Variants in CMTR1 observed in about 807,000 individuals in gnomAD.
CMTR1 encodes the protein cap-specific mRNA (nucleoside-2'-O-)-methyltransferase 1.
CMTR1 carries 39 observed loss-of-function variants against 107.0 expected under a neutral mutation model. The observed-to-expected ratio is 0.36, with a 90% CI of 0.28 to 0.48. CMTR1 has a LOEUF of 0.48. CMTR1 is among the 20% of genes least tolerant of loss of function. The probability of loss-of-function intolerance (pLI) is 0.99; values close to 1 mark genes in which losing one functional copy is unlikely to be tolerated. For synonymous variants in CMTR1, 366 were observed against 379.5 expected, an observed-to-expected ratio of 0.96 and a Z score of 0.41; for missense variants, 672 against 1,064.9, an observed-to-expected ratio of 0.63 and a Z score of 5.14.
chr6:37,435,842 T>C, intron 2 of CMTR1, 80 bp downstream of exon 2: 1 of 1,415,868 alleles, frequency 7.1e-7, no homozygotes, highest in South Asian at 1.5e-5. Flanking sequence ...TGGAGCAGAC[T>C]ATAGTCCACT....
chr6:37,461,151 T>A (rs1427620938), intron 10 of CMTR1, among the ~76,000 whole-genome samples: 3 of 152,214 alleles, frequency 2.0e-5, no homozygotes, highest in Non-Finnish European at 4.4e-5. Flanking sequence ...CACTCCCTGG[T>A]CTTGTTAGGA....
chr6:37,450,418 C>A, intron 5 of CMTR1, 75 bp downstream of exon 5: 2 of 1,071,940 alleles, frequency 1.9e-6, no homozygotes, highest in South Asian at 2.6e-5. Flanking sequence ...CTGGTATTTA[C>A]ATACACTTGC....
intron 2 of CMTR1, among the ~76,000 whole-genome samples, chr6:37,442,944 A>C (rs1050181042): frequency 1.3e-5 from 2 of 152,238 alleles, no homozygotes; most frequent in African/African-American, 4.8e-5. Flanking sequence ...ATTATGCCAC[A>C]TTGCTAAGTC....
chr6:37,465,491 T>C (rs1761488896), intron 13 of CMTR1, among the ~76,000 whole-genome samples: 1 of 152,326 alleles, frequency 6.6e-6, no homozygotes, highest in African/African-American at 2.4e-5. Flanking sequence ...ATGTGCTTAT[T>C]GGCTATTTGT....
intron 3 of CMTR1, among the ~76,000 whole-genome samples, chr6:37,444,980 C>T (rs890012746): frequency 1.3e-5 from 2 of 152,126 alleles, no homozygotes; most frequent in Non-Finnish European, 2.9e-5. Flanking sequence ...GAGCTGAGAT[C>T]ACGCCACTGC....
chr6:37,470,904 C>CTCCA (rs2113890315), intron 13 of CMTR1, 117 bp from the exon 14 acceptor site: 1 of 749,244 alleles, frequency 1.3e-6, no homozygotes, highest in Admixed American at 3.2e-5. Flanking sequence ...TTTCTCAACT[C>CTCCA]TCCAGCTCCT....
rs1196450200 is a variant in CMTR1 at position 37,480,202 on chromosome 6, C to T, written c.*57C>T. ...CCCTGTCATTCCTGAGATGGGGCCA[C>T]CTGGGGCCCACAGTGCTGGCTTCTT... On this transcript the variant is annotated 3_prime_UTR_variant, in exon 24 of 24. Coordinates refer to ENST00000373451, the MANE Select transcript of CMTR1 (RefSeq NM_015050.3). 5.7e-6 allele frequency: 9 copies of T among 1,590,336 alleles called. No individual in the cohort carries two copies. The highest frequency in any genetic ancestry group is 7.7e-6 in the Non-Finnish European group (9 of 1,171,734).
chr6:37,471,141 C>A, intron 14 of CMTR1, 64 bp downstream of exon 14: 1 of 1,423,064 alleles, frequency 7.0e-7, no homozygotes, highest in Non-Finnish European at 9.6e-7. Flanking sequence ...TTCCTCCCCA[C>A]AAGCTGTTTG....
At chr6:37,435,495 G>A in intron 1 of CMTR1, 129 bp from the exon 2 acceptor site, 2 of 956,872 alleles carry the variant, frequency 2.1e-6, no homozygotes, top group Non-Finnish European at 3.0e-6. Context: ...GGCTATTCAA[G>A]TGCTGGCACT....
intron 19 of CMTR1, chr6:37,475,833 A>G (rs1761725409): frequency 2.0e-6 from 1 of 498,982 alleles, no homozygotes; most frequent in Non-Finnish European, 3.7e-6. Context: ...TACAATAAAG[A>G]TGATACTTGA....
In CMTR1 at chr6:37,435,818, G is replaced by C; in HGVS notation, c.133+56G>C. 4 of 1,528,634 alleles carry C rather than the reference G, an allele frequency of 2.6e-6. No homozygotes were observed. In the East Asian group the frequency reaches 9.7e-5, roughly 37 times the overall value. The allele number at this position is 1,528,634 out of a possible 1,614,324, so 94.7% of individuals were successfully genotyped here. A position where few individuals can be genotyped will look rare whatever the true frequency, so the allele number is the denominator to read the frequency against. Reference sequence around the variant, plus strand: ...GGCCATCTGGTTATTTGAACACACAGTGTCTAATCTAGGTGGAGCAGACTA... The same window carrying C: ...GGCCATCTGGTTATTTGAACACACACTGTCTAATCTAGGTGGAGCAGACTA... On this transcript the variant is annotated intron_variant, in intron 2 of 23. Transcript: ENST00000373451.
chr6:37,457,193 A>T (rs1160115966), intron 8 of CMTR1, among the ~76,000 whole-genome samples: 1 of 150,656 alleles, frequency 6.6e-6, no homozygotes, highest in African/African-American at 2.4e-5. Flanking sequence ...GTACTCCAGC[A>T]TGGGCTGAGT....
chr6:37,459,132 A>G (rs1761353419), intron 9 of CMTR1, among the ~76,000 whole-genome samples: 1 of 152,270 alleles, frequency 6.6e-6, no homozygotes, highest in African/African-American at 2.4e-5. Flanking sequence ...GGTTTTTAAC[A>G]AATATAAACC....
chr6:37,431,794 A>C (rs1189600280), upstream of CMTR1, among the ~76,000 whole-genome samples: 1 of 152,152 alleles, frequency 6.6e-6, no homozygotes, highest in Non-Finnish European at 1.5e-5. Context: ...CTGAACTCTT[A>C]AGAGACATGG....
rs1295936278 is a variant in CMTR1 at position 37,472,432 on chromosome 6, C to T, written c.1634C>T (p.Ala545Val). The change falls in exon 16 of 24, where the codon GCT (alanine) becomes GTT (valine). Residue 545 changes from alanine (A) to valine (V), a missense_variant. Ala to Val is a moderately conservative substitution (Grantham distance 64). Coordinates refer to ENST00000373451, the MANE Select transcript of CMTR1 (RefSeq NM_015050.3). The surrounding 1 kb of genome is among the most constrained non-coding windows in gnomAD (Gnocchi z 4.1). ...GTCTTATTTCAGATCCCAGACCAGGCTCGTGTGGCTCCTTCTTCCTCCGAC... is the reference window on the plus strand; with the variant it reads ...GTCTTATTTCAGATCCCAGACCAGGTTCGTGTGGCTCCTTCTTCCTCCGAC... Reference protein sequence around the residue: ...CLRLWGIPDQARVAPSSSDPK... With the variant: ...CLRLWGIPDQVRVAPSSSDPK... 1 of 1,614,216 alleles carries T rather than the reference C, an allele frequency of 6.2e-7. No individual in the cohort carries two copies.
chr6:37,462,762 T>A (rs1437646948), intron 12 of CMTR1, 67 bp from the exon 13 acceptor site: 2 of 1,472,866 alleles, frequency 1.4e-6, no homozygotes, highest in Non-Finnish European at 1.9e-6. Flanking sequence ...CCACAAGGGG[T>A]TGGGGGAAAA....
In CMTR1 at chr6:37,471,057, C is replaced by T; in HGVS notation, c.1542C>T (p.Ile514=). 3.1e-6 allele frequency: 5 copies of T among 1,606,570 alleles called. No homozygotes were observed. The highest frequency in any genetic ancestry group is 4.2e-6 in the Non-Finnish European group (5 of 1,176,490). ...TGCAGATCAAAGCTCTGGCGAAAAT[C>T]CATGCCTTTGTTCAAGACACGTGAG... The part of the protein sequence containing the change: ...CSLQIKALAK[I]HAFVQDTTLS... Residue 514 remains isoleucine, a synonymous_variant, in exon 14 of 24, where the codon ATC becomes ATT. Transcript: ENST00000373451.
At chr6:37,440,896 A>T (rs1231698562) in intron 2 of CMTR1, among the ~76,000 whole-genome samples, 2 of 152,228 alleles carry the variant, frequency 1.3e-5, no homozygotes, top group East Asian at 3.8e-4. Flanking sequence ...CAAATCTAAC[A>T]GCCTGGCAAC....
chr6:37,475,369 G>A lies in CMTR1; in HGVS notation c.1993G>A (p.Val665Met). 6.2e-7 allele frequency: 1 copy of A among 1,614,020 alleles called. No individual in the cohort carries two copies. Residue 665 changes from valine (V) to methionine (M), a missense_variant, in exon 19 of 24, where the codon GTG becomes ATG. Physicochemically the swap from Val to Met is conservative, Grantham distance 21 (BLOSUM62 1). Coordinates refer to ENST00000373451, the MANE Select transcript of CMTR1 (RefSeq NM_015050.3). Reference sequence around the variant, plus strand: ...TGCCATCCACATCCTCGATGTCCTTGTGCTGAATGGCACCGACGTTCGGGA... The same window carrying A: ...TGCCATCCACATCCTCGATGTCCTTATGCTGAATGGCACCGACGTTCGGGA... ...ISAIHILDVL[V>M]LNGTDVREQH... is the part of the protein sequence containing the mutation.
Sources: gnomAD v4.1 joint callset for allele counts (sites outside exome capture counted in the v4.1 genomes callset) on GRCh38, gnomAD v4.1.1 for gene constraint, Gnocchi (gnomAD v3.1) non-coding constraint, MANE v1.5 for transcripts, NCBI Gene and HGNC (gene_info 2026-07-23, HGNC 2026-07-21) for gene names.